Variants in CACNG7 observed in about 807,000 individuals in gnomAD.
CACNG7 encodes the protein voltage-dependent calcium channel gamma-7 subunit.
A neutral mutation model predicts 26.3 loss-of-function variants in CACNG7; 9 were observed. The observed-to-expected ratio is 0.34, with a 90% confidence interval of 0.21 to 0.60. The LOEUF (loss-of-function observed/expected upper bound fraction) is 0.60, where lower values mean the gene tolerates loss of function less well. CACNG7 is among the 20% of genes least tolerant of loss of function. CACNG7 has a pLI of 0.81. For missense variants in CACNG7, 297 were observed against 380.4 expected (o/e 0.78, Z 1.82); for synonymous variants, 170 against 157.0 (o/e 1.08, Z -0.62).
At chr19:53,936,784 T>C (rs1378419782) in intron 4 of CACNG7, among the ~76,000 whole-genome samples, 1 of 152,154 alleles carries the variant, frequency 6.6e-6, no homozygotes, top group Non-Finnish European at 1.5e-5. Context: ...AATTTTTGTA[T>C]TTTTAGTAGA....
At chr19:53,921,292 T>C (rs1186035258) in intron 4 of CACNG7, among the ~76,000 whole-genome samples, 1 of 108,236 alleles carries the variant, frequency 9.2e-6, no homozygotes, top group Non-Finnish European at 1.7e-5. Flanking sequence ...TTGCCTCAGG[T>C]CTGGTCATTG....
rs1338876924 is a variant in CACNG7, at chr19:53,909,345, G to C, written c.-202G>C. 1 of 150,410 alleles carries C rather than the reference G, an allele frequency of 6.6e-6. No individual in the cohort carries two copies. Among genetic ancestry groups the C allele is most frequent in the African/African-American group, 2.4e-5 (1 of 41,240 alleles). 9.3% of individuals were successfully genotyped at this position (150,410 alleles called of 1,614,324 possible). A position where few individuals can be genotyped will look rare whatever the true frequency, so the allele number is the denominator to read the frequency against. On this transcript the variant is annotated 5_prime_UTR_variant, in exon 1 of 6. Transcript: ENST00000391767. The surrounding 1 kb of genome is among the most constrained non-coding windows in gnomAD (Gnocchi z 5.1). ...CCGCCGAGTGAGGCCGCGGCCGCGG[G>C]GGGTGGGGGGTGGGAGGCCGGGAGG...
chr19:53,918,790 T>G (rs748949940), intron 4 of CACNG7, among the ~76,000 whole-genome samples: 5 of 152,216 alleles, frequency 3.3e-5, no homozygotes, highest in Non-Finnish European at 5.9e-5. Context: ...TTTTTTGAGA[T>G]GGAGTTTCGC....
intron 4 of CACNG7, among the ~76,000 whole-genome samples, chr19:53,938,209 A>G (rs566576054): frequency 3.9e-5 from 6 of 152,156 alleles, no homozygotes; most frequent in Admixed American, 1.3e-4. Flanking sequence ...TTAGCCCCGC[A>G]TGGTGGTGCA....
chr19:53,915,759 T>G (rs1190078043), intron 4 of CACNG7, among the ~76,000 whole-genome samples: 1 of 152,150 alleles, frequency 6.6e-6, no homozygotes, highest in Non-Finnish European at 1.5e-5. Context: ...CGCAACAACC[T>G]TGTGAGGTAA....
chr19:53,915,765 G>A lies in CACNG7; in HGVS notation c.424+260G>A, dbSNP rs982697880. Among the ~76,000 whole-genome samples, 5 of 152,140 alleles carry A rather than the reference G, an allele frequency of 3.3e-5. No homozygotes were observed. In the East Asian group the frequency reaches 9.6e-4, roughly 29 times the overall value. On this transcript the variant is annotated intron_variant, in intron 4 of 5. Transcript: ENST00000391767. ...TCTCACACTCGCAACAACCTTGTGA[G>A]GTAAATCCTATTAATAGCCCATTTT...
chr19:53,911,312 C>T (rs775136235), intron 1 of CACNG7, among the ~76,000 whole-genome samples: 7 of 152,160 alleles, frequency 4.6e-5, no homozygotes, highest in Admixed American at 2.0e-4. Context: ...GTGATCCACC[C>T]ACCTCAGCCT....
At chr19:53,922,039 TC>T (rs1277481873) in intron 4 of CACNG7, among the ~76,000 whole-genome samples, 1 of 71,780 alleles carries the variant, frequency 1.4e-5, no homozygotes, top group African/African-American at 6.9e-5. Flanking sequence ...GGTGGAGTTG[TC>T]CCCAGGCCTG....
intron 3 of CACNG7, among the ~76,000 whole-genome samples, chr19:53,915,033 A>G (rs2068886787): frequency 6.6e-6 from 1 of 151,408 alleles, no homozygotes; most frequent in African/African-American, 2.4e-5. Flanking sequence ...AAAGGAAGGA[A>G]GAAAGAAAGA....
intron 4 of CACNG7, among the ~76,000 whole-genome samples, chr19:53,930,218 T>G (rs1444049387): frequency 6.6e-6 from 1 of 151,738 alleles, no homozygotes; most frequent in African/African-American, 2.4e-5. Context: ...CCATTTTTTT[T>G]TTTTTCTTGA....
At chr19:53,913,082 G>C in intron 2 of CACNG7, 55 bp downstream of exon 2, 2 of 1,510,558 alleles carry the variant, frequency 1.3e-6, no homozygotes, top group Middle Eastern at 2.2e-4. Flanking sequence ...TGGGGTCTGA[G>C]AGTCTTAGCC....
rs1346204053 is a variant in CACNG7, at chr19:53,909,875, G to A, written c.-30+358G>A. Among the ~76,000 whole-genome samples the A allele has an allele frequency of 2.6e-5, 4 of 152,144 alleles. No individual in the cohort carries two copies. The highest frequency in any genetic ancestry group is 5.9e-5 in the Non-Finnish European group (4 of 68,032). ...GGTCTGGAAAGGGGTCCCAGAAAGG[G>A]GGAGTTACGGTCTCCCGAGAGATGG... On this transcript the variant is annotated intron_variant, in intron 1 of 5. Coordinates refer to ENST00000391767, the MANE Select transcript of CACNG7 (RefSeq NM_031896.5). This position sits in a 1 kb window ranked among gnomAD's most constrained non-coding sequence, Gnocchi z 5.1.
At chr19:53,923,313 GCTGGTCATTGGTGGAGTTGCCCCAGGC>G (rs2068981779) in intron 4 of CACNG7, among the ~76,000 whole-genome samples, 4 of 120,082 alleles carry the variant, frequency 3.3e-5, no homozygotes, top group Admixed American at 7.8e-5. Context: ...GTTGACTCAG[GCTGGTCATTGGTGGAGTTGCCCCAGGC>G]CTGGTCATTG....
At chr19:53,941,330 A>G in intron 4 of CACNG7, 140 bp from the exon 5 acceptor site, 2 of 952,238 alleles carry the variant, frequency 2.1e-6, no homozygotes, top group Non-Finnish European at 3.0e-6. Context: ...CCTGCACCCA[A>G]CCAAGGCCCA....
intron 4 of CACNG7, among the ~76,000 whole-genome samples, chr19:53,923,600 TGCCCCAG>T: frequency 7.2e-6 from 1 of 138,740 alleles, no homozygotes; most frequent in African/African-American, 2.6e-5. Context: ...TTGGTGGAGT[TGCCCCAG>T]GTCTGGTCAT....
At chr19:53,916,760 A>G (rs2145899647) in intron 4 of CACNG7, among the ~76,000 whole-genome samples, 1 of 148,990 alleles carries the variant, frequency 6.7e-6, no homozygotes, top group African/African-American at 2.5e-5. Context: ...TCGGCCTCCC[A>G]AAGTGCTGGG....
At chr19:53,911,220 C>G (rs565958583) in intron 1 of CACNG7, among the ~76,000 whole-genome samples, 1 of 151,972 alleles carries the variant, frequency 6.6e-6, no homozygotes, top group African/African-American at 2.4e-5. Context: ...TGTGAGCCAC[C>G]GTGCCCGGCT....
intron 4 of CACNG7, among the ~76,000 whole-genome samples, chr19:53,917,240 C>A (rs147636352): frequency 0.01 from 1,533 of 152,308 alleles, 12 homozygotes; most frequent in Non-Finnish European, 0.016. Flanking sequence ...AACCCCAATT[C>A]ATTCTGACTC....
rs756033881 is a variant in CACNG7, at chr19:53,942,132, G to T, written c.667G>T (p.Asp223Tyr). Residue 223 changes from aspartate (D) to tyrosine (Y), a missense_variant, in exon 6 of 6, where the codon GAC becomes TAC. Transcript: ENST00000391767. The surrounding 1 kb of genome is among the most constrained non-coding windows in gnomAD (Gnocchi z 5.9). ...GGCCTTCTACCGCCCGCGTCTCAGC[G>T]ACTGCTCCGACTACTCGGGCCAGTT... ...HPAFYRPRLS[D>Y]CSDYSGQFLQ... is the part of the protein sequence containing the mutation. 6 of 1,614,006 alleles carry T rather than the reference G, an allele frequency of 3.7e-6. No individual in the cohort carries two copies. In the South Asian group the frequency reaches 4.4e-5, roughly 12 times the overall value.
Sources: gnomAD v4.1 joint callset for allele counts (sites outside exome capture counted in the v4.1 genomes callset) on GRCh38, gnomAD v4.1.1 for gene constraint, Gnocchi (gnomAD v3.1) non-coding constraint, MANE v1.5 for transcripts, NCBI Gene and HGNC (gene_info 2026-07-23, HGNC 2026-07-21) for gene names.